Variants in OPCML observed in about 807,000 individuals in gnomAD.
The protein encoded by OPCML is opioid-binding protein/cell adhesion molecule.
A neutral mutation model predicts 37.8 loss-of-function variants in OPCML; 13 were observed. The observed-to-expected ratio is 0.34, with a 90% CI of 0.22 to 0.55. The LOEUF (loss-of-function observed/expected upper bound fraction) is 0.55, where lower values mean the gene tolerates loss of function less well. Ranked by LOEUF, OPCML falls within the 20% of genes least tolerant of loss-of-function variation. OPCML has a pLI of 0.91. For missense variants in OPCML, 341 were observed against 435.6 expected, an observed-to-expected ratio of 0.78 and a Z score of 1.93; for synonymous variants, 176 against 168.8, an observed-to-expected ratio of 1.04 and a Z score of -0.33.
intron 4 of OPCML, among the ~76,000 whole-genome samples, chr11:132,449,961 T>C (rs560192658): frequency 1.3e-5 from 2 of 152,252 alleles, no homozygotes; most frequent in East Asian, 3.9e-4. Context: ...TCGGAGCTTC[T>C]AGGAAGTGAA....
chr11:132,982,938 C>T (rs1946617959), intron 1 of OPCML, among the ~76,000 whole-genome samples: 1 of 152,202 alleles, frequency 6.6e-6, no homozygotes. Flanking sequence ...AGAGTTGATA[C>T]TCCTGTTCCC....
At chr11:132,927,610 G>A (rs946719134) in intron 2 of OPCML, among the ~76,000 whole-genome samples, 5 of 151,992 alleles carry the variant, frequency 3.3e-5, no homozygotes, top group African/African-American at 1.2e-4. Context: ...AAGAAAGCTG[G>A]AAAGTAATTT....
chr11:133,458,305 TAC>T (rs1440253980), intron 1 of OPCML, among the ~76,000 whole-genome samples: 1 of 37,294 alleles, frequency 2.7e-5, no homozygotes, highest in Non-Finnish European at 4.0e-5. Context: ...TGTATATATA[TAC>T]ACATATATAC....
intron 2 of OPCML, among the ~76,000 whole-genome samples, chr11:132,776,759 T>C (rs1946823950): frequency 6.6e-6 from 1 of 152,074 alleles, no homozygotes; most frequent in Non-Finnish European, 1.5e-5. Flanking sequence ...CACATATTCC[T>C]TTACAGAGAC....
intron 1 of OPCML, among the ~76,000 whole-genome samples, chr11:133,337,766 T>C (rs1309357925): frequency 6.6e-6 from 1 of 152,192 alleles, no homozygotes; most frequent in Non-Finnish European, 1.5e-5. Context: ...TGAAATCTGG[T>C]GCACAGAAAC....
chr11:133,103,995 G>A (rs1030026080), intron 1 of OPCML, among the ~76,000 whole-genome samples: 2 of 152,196 alleles, frequency 1.3e-5, no homozygotes, highest in African/African-American at 4.8e-5. Context: ...TATAATAGCT[G>A]TTTTCCTTCC....
At chr11:132,624,950 T>G (rs1939649864) in intron 3 of OPCML, among the ~76,000 whole-genome samples, 1 of 152,160 alleles carries the variant, frequency 6.6e-6, no homozygotes, top group Admixed American at 6.5e-5. Flanking sequence ...TAACTGGGTA[T>G]CCTGTATTTT....
At chr11:133,140,416 G>T (rs1949753829) in intron 1 of OPCML, among the ~76,000 whole-genome samples, 1 of 148,192 alleles carries the variant, frequency 6.7e-6, no homozygotes, top group South Asian at 2.1e-4. Context: ...TTGGGAGGCT[G>T]AGGCAGAAGA....
chr11:132,690,272 G>A (rs1943345261), intron 2 of OPCML, among the ~76,000 whole-genome samples: 1 of 152,162 alleles, frequency 6.6e-6, no homozygotes, highest in Admixed American at 6.5e-5. Flanking sequence ...GTGCATCCGA[G>A]TCATCTGGAA....
intron 2 of OPCML, among the ~76,000 whole-genome samples, chr11:132,866,002 T>G (rs1347522303): frequency 6.6e-6 from 1 of 152,084 alleles, no homozygotes; most frequent in African/African-American, 2.4e-5. Context: ...CATCTGTGAC[T>G]CTTAGAAATT....
intron 1 of OPCML, among the ~76,000 whole-genome samples, chr11:133,172,260 G>C (rs913409182): frequency 3.3e-5 from 5 of 152,100 alleles, no homozygotes; most frequent in African/African-American, 4.8e-5. Context: ...TAGAGATCAT[G>C]GATCAGTAGA....
At chr11:133,003,784 G>A in intron 1 of OPCML, 1 of 985,422 alleles carries the variant, frequency 1.0e-6, no homozygotes, top group African/African-American at 1.7e-5. Context: ...ATTACCCAGA[G>A]TGTTCTTTGT....
At chr11:132,856,140 C>T (rs1388747128) in intron 2 of OPCML, among the ~76,000 whole-genome samples, 1 of 152,122 alleles carries the variant, frequency 6.6e-6, no homozygotes, top group East Asian at 1.9e-4. Flanking sequence ...TAAAAATTTG[C>T]TTTATAAATA....
intron 1 of OPCML, among the ~76,000 whole-genome samples, chr11:133,413,336 G>T (rs555178251): frequency 1.3e-5 from 2 of 151,306 alleles, no homozygotes; most frequent in Admixed American, 6.6e-5. Context: ...TGTGGGGTAG[G>T]GGGGAGGGGG....
At chr11:133,267,551 T>TATAATGGA (rs1941698445) in intron 1 of OPCML, among the ~76,000 whole-genome samples, 1 of 152,226 alleles carries the variant, frequency 6.6e-6, no homozygotes, top group Admixed American at 6.5e-5. Flanking sequence ...TGGTATTAAA[T>TATAATGGA]ATAATGGAAT....
chr11:133,096,016 G>A (rs1019009826), intron 1 of OPCML, among the ~76,000 whole-genome samples: 2 of 151,948 alleles, frequency 1.3e-5, no homozygotes, highest in African/African-American at 4.8e-5. Flanking sequence ...CATAAAGGAA[G>A]TGCACTGAAG....
intron 1 of OPCML, among the ~76,000 whole-genome samples, chr11:133,467,992 C>G (rs1565651097): frequency 1.3e-5 from 2 of 152,292 alleles, no homozygotes; most frequent in South Asian, 2.1e-4. Context: ...AATTTTGTCA[C>G]CTCTACAGTA....
chr11:132,914,363 C>T (rs564715810), intron 2 of OPCML, among the ~76,000 whole-genome samples: 40 of 152,324 alleles, frequency 2.6e-4, no homozygotes, highest in African/African-American at 7.7e-4. Context: ...TCTAATTACA[C>T]GACCTGGTAA....
chr11:133,058,023 C>T (rs1948272074), intron 1 of OPCML, among the ~76,000 whole-genome samples: 2 of 152,352 alleles, frequency 1.3e-5, no homozygotes, highest in South Asian at 2.1e-4. Context: ...AGGGCTAGAG[C>T]TATGTCTGTT....
Sources: allele counts gnomAD v4.1 joint callset (sites outside exome capture counted in the v4.1 genomes callset), GRCh38; gene constraint gnomAD v4.1.1; transcripts MANE v1.5; gene names NCBI Gene and HGNC (gene_info 2026-07-23, HGNC 2026-07-21).